GNG4: variants seen among roughly 807,000 people sequenced by gnomAD.
GNG4 encodes the protein G protein subunit gamma 4, also known as guanine nucleotide-binding protein G(I)/G(S)/G(O) subunit gamma-4.
Under a neutral mutation model 5.8 loss-of-function variants are expected in GNG4, and 4 were observed. That is an observed-to-expected ratio of 0.69 (90% CI 0.34 to 1.57). The LOEUF (loss-of-function observed/expected upper bound fraction) is 1.57. Ranked by LOEUF, GNG4 falls within the 40% of genes most tolerant of loss-of-function variation. The probability of loss-of-function intolerance (pLI) is 0.06; values close to 1 mark genes in which losing one functional copy is unlikely to be tolerated. For missense variants in GNG4, 96 were observed against 95.1 expected (o/e 1.01, Z -0.04); for synonymous variants, 29 against 32.9 (o/e 0.88, Z 0.41).
chr1:235,615,571 G>A (rs1005341939), intron 1 of GNG4: 7 of 202,988 alleles, frequency 3.4e-5, no homozygotes, highest in African/African-American at 1.4e-4. Context: ...GCTCATTCCT[G>A]GGGCTTTTGA....
At chr1:235,558,449 T>C (rs1438840568) in intron 3 of GNG4, among the ~76,000 whole-genome samples, 1 of 152,166 alleles carries the variant, frequency 6.6e-6, no homozygotes, top group Admixed American at 6.5e-5. Flanking sequence ...TAAATATAGG[T>C]AATGACCGTC....
intron 2 of GNG4, among the ~76,000 whole-genome samples, chr1:235,585,775 T>C (rs1356365966): frequency 6.6e-6 from 1 of 152,196 alleles, no homozygotes. Flanking sequence ...CAAAGGTAAA[T>C]GCATATTTAC....
At chr1:235,555,059 G>A (rs931758216) in intron 3 of GNG4, among the ~76,000 whole-genome samples, 1 of 152,200 alleles carries the variant, frequency 6.6e-6, no homozygotes, top group Non-Finnish European at 1.5e-5. Context: ...TAAGGCAACA[G>A]TTTTGCCCTC....
intron 3 of GNG4, among the ~76,000 whole-genome samples, chr1:235,560,883 T>C (rs923732249): frequency 2.0e-5 from 3 of 152,226 alleles, no homozygotes; most frequent in African/African-American, 7.2e-5. Flanking sequence ...GCCATTCTAA[T>C]AGGTGTGTAG....
intron 1 of GNG4, among the ~76,000 whole-genome samples, chr1:235,637,031 C>T (rs955688841): frequency 1.4e-5 from 2 of 146,496 alleles, no homozygotes; most frequent in African/African-American, 5.1e-5. Flanking sequence ...GCACTCCAGC[C>T]TGGGCGACAG....
chr1:235,627,780 T>C (rs1027000635), intron 1 of GNG4, among the ~76,000 whole-genome samples: 9 of 152,182 alleles, frequency 5.9e-5, no homozygotes, highest in African/African-American at 2.2e-4. Flanking sequence ...CTGAACTCTT[T>C]GAAAGGAAAA....
chr1:235,598,844 G>A (rs1159826778), intron 1 of GNG4, among the ~76,000 whole-genome samples: 60 of 151,960 alleles, frequency 3.9e-4, no homozygotes, highest in Non-Finnish European at 5.9e-5. Flanking sequence ...TCCTGCCTCA[G>A]CCTCCCAAGT....
chr1:235,564,058 T>C (rs191923555), intron 3 of GNG4, among the ~76,000 whole-genome samples: 2 of 152,288 alleles, frequency 1.3e-5, no homozygotes, highest in Admixed American at 6.5e-5. Flanking sequence ...AAATGTAGTA[T>C]ATATACACCA....
At chr1:235,566,841 C>T (rs1687210019) in intron 3 of GNG4, 1 of 152,268 alleles carries the variant, frequency 6.6e-6, no homozygotes, top group Admixed American at 6.5e-5. Flanking sequence ...AGCCCTCTAG[C>T]ACAGCAGGTC....
chr1:235,549,678 A>C lies in GNG4; in HGVS notation c.*2431T>G, dbSNP rs1333040821. On this transcript the variant is annotated 3_prime_UTR_variant, in exon 4 of 4. Transcript: ENST00000391854. ...CAACACTGGTATTATTAGTGAGCTG[A>C]TAATGAAACTAAGAATGAGTTTTAA... The C allele has an allele frequency of 6.6e-6, 1 of 152,244 alleles. No individual in the cohort carries two copies. The highest frequency in any genetic ancestry group is 1.5e-5 in the Non-Finnish European group (1 of 68,044). The allele number at this position is 152,244 out of a possible 1,614,324, so 9.4% of individuals were successfully genotyped here. A position where few individuals can be genotyped will look rare whatever the true frequency, so the allele number is the denominator to read the frequency against.
chr1:235,614,183 A>C (rs192441547), intron 1 of GNG4, among the ~76,000 whole-genome samples: 135 of 152,226 alleles, frequency 8.9e-4, no homozygotes, highest in African/African-American at 3.1e-3. Flanking sequence ...ATTTCATTTC[A>C]GCTGCTGAAT....
chr1:235,645,518 C>T (rs1349440141), intron 1 of GNG4, among the ~76,000 whole-genome samples: 1 of 152,138 alleles, frequency 6.6e-6, no homozygotes, highest in African/African-American at 2.4e-5. Context: ...AATGTTCAGG[C>T]TGGGCATGGT....
At chr1:235,557,708 A>T (rs1187190473) in intron 3 of GNG4, among the ~76,000 whole-genome samples, 1 of 152,094 alleles carries the variant, frequency 6.6e-6, no homozygotes, top group African/African-American at 2.4e-5. Flanking sequence ...CTCACTGGGG[A>T]AGCTGCACTA....
At chr1:235,617,046 C>T (rs1381407353) in intron 1 of GNG4, among the ~76,000 whole-genome samples, 1 of 151,894 alleles carries the variant, frequency 6.6e-6, no homozygotes, top group East Asian at 1.9e-4. Context: ...CTGTGCCCTG[C>T]CCAGTGCCGA....
At chr1:235,627,453 C>T (rs1490565220) in intron 1 of GNG4, among the ~76,000 whole-genome samples, 1 of 151,886 alleles carries the variant, frequency 6.6e-6, no homozygotes, top group Admixed American at 6.6e-5. Flanking sequence ...AAACTCCTGA[C>T]CTTGTAATCT....
intron 3 of GNG4, among the ~76,000 whole-genome samples, chr1:235,569,890 C>G (rs569050334): frequency 6.6e-6 from 1 of 152,056 alleles, no homozygotes; most frequent in African/African-American, 2.4e-5. Flanking sequence ...TCTTAATGGG[C>G]TCTTTATTAT....
At chr1:235,602,735 C>T (rs997653602) in intron 1 of GNG4, among the ~76,000 whole-genome samples, 4 of 152,184 alleles carry the variant, frequency 2.6e-5, no homozygotes, top group African/African-American at 7.2e-5. Context: ...TAACATTTTA[C>T]CCTAAAATTC....
chr1:235,639,123 C>T (rs7518169), intron 1 of GNG4, among the ~76,000 whole-genome samples: 79,904 of 151,876 alleles, frequency 0.53, 23,442 homozygotes, highest in East Asian at 0.85. Flanking sequence ...TGTGACGACA[C>T]TGGGCCTGCC....
At chr1:235,598,168 C>G (rs1258357147) in intron 1 of GNG4, among the ~76,000 whole-genome samples, 2 of 152,176 alleles carry the variant, frequency 1.3e-5, no homozygotes, top group Non-Finnish European at 2.9e-5. Flanking sequence ...TGGGAATGTA[C>G]AGAGACTAAG....
Sources: allele counts gnomAD v4.1 joint callset (sites outside exome capture counted in the v4.1 genomes callset), GRCh38; gene constraint gnomAD v4.1.1; transcripts MANE v1.5; gene names NCBI Gene and HGNC (gene_info 2026-07-23, HGNC 2026-07-21).